Variants in ITGA11 observed in about 807,000 individuals in gnomAD.
The protein encoded by ITGA11 is integrin subunit alpha 11, also known as integrin alpha-11.
Under a neutral mutation model 141.9 loss-of-function variants are expected in ITGA11, and 97 were observed. The observed-to-expected ratio is 0.68, with a 90% CI of 0.58 to 0.81. The LOEUF is 0.81. Ranked by LOEUF, ITGA11 falls within the 30% of genes least tolerant of loss-of-function variation. ITGA11 has a pLI of 0.00. For missense variants in ITGA11, 1,387 were observed against 1,559.2 expected (o/e 0.89, Z 1.86); for synonymous variants, 658 against 624.6 (o/e 1.05, Z -0.80).
At chr15:68,312,979 T>TC in intron 23 of ITGA11, 116 bp from the exon 24 acceptor site, 1 of 691,460 alleles carries the variant, frequency 1.4e-6, no homozygotes, top group Non-Finnish European at 2.5e-6. Context: ...AAAAACAGGT[T>TC]CCCGCTTGTG....
chr15:68,323,273 C>T (rs779210784), intron 18 of ITGA11, among the ~76,000 whole-genome samples: 12 of 152,138 alleles, frequency 7.9e-5, no homozygotes, highest in African/African-American at 1.2e-4. Context: ...AGGGGCTTTA[C>T]GGCATTCTAG....
At chr15:68,428,689 C>G (rs1238212408) in intron 1 of ITGA11, among the ~76,000 whole-genome samples, 1 of 152,148 alleles carries the variant, frequency 6.6e-6, no homozygotes, top group African/African-American at 2.4e-5. Context: ...ACCTCTGGAG[C>G]CTTTGTACAC....
chr15:68,383,163 C>T (rs756356306), intron 2 of ITGA11, among the ~76,000 whole-genome samples: 7 of 151,752 alleles, frequency 4.6e-5, no homozygotes, highest in Admixed American at 6.6e-5. Flanking sequence ...CCCAGCTAGT[C>T]GGGAGGCTGA....
intron 12 of ITGA11, among the ~76,000 whole-genome samples, chr15:68,334,754 G>A (rs1182657582): frequency 2.0e-5 from 3 of 152,126 alleles, no homozygotes; most frequent in Non-Finnish European, 2.9e-5. Flanking sequence ...TTTCTCCTTC[G>A]GATGTTGGAG....
At chr15:68,323,551 A>G (rs1285097995) in intron 18 of ITGA11, among the ~76,000 whole-genome samples, 1 of 152,234 alleles carries the variant, frequency 6.6e-6, no homozygotes, top group African/African-American at 2.4e-5. Context: ...AATGATGGGA[A>G]GAATGTGTCT....
intron 20 of ITGA11, among the ~76,000 whole-genome samples, chr15:68,318,624 AG>A (rs1893679629): frequency 6.6e-6 from 1 of 152,030 alleles, no homozygotes; most frequent in Non-Finnish European, 1.5e-5. Flanking sequence ...CTGAGGAGGA[AG>A]GGGGTACCCG....
At chr15:68,340,119 C>G (rs902402832) in intron 10 of ITGA11, among the ~76,000 whole-genome samples, 22 of 151,888 alleles carry the variant, frequency 1.4e-4, no homozygotes, top group Non-Finnish European at 2.8e-4. Context: ...CAAACATTCA[C>G]TGAGGTCTCC....
intron 2 of ITGA11, among the ~76,000 whole-genome samples, chr15:68,397,590 TTATAAA>T (rs1896342479): frequency 4.9e-5 from 2 of 40,516 alleles, no homozygotes; most frequent in South Asian, 2.7e-3. Context: ...ATTTAAAATA[TTATAAA>T]ATATTTAAAA....
intron 20 of ITGA11, 84 bp from the exon 21 acceptor site, chr15:68,317,447 C>G: frequency 1.1e-6 from 1 of 938,304 alleles, no homozygotes; most frequent in East Asian, 2.4e-5. Context: ...CCAGCCTGCA[C>G]CCCACTCTGC....
chr15:68,363,735 G>A (rs1358778367), intron 4 of ITGA11, among the ~76,000 whole-genome samples: 1 of 152,124 alleles, frequency 6.6e-6, no homozygotes, highest in Non-Finnish European at 1.5e-5. Context: ...GTCTCAGAAG[G>A]ATCCTGTTTG....
intron 10 of ITGA11, among the ~76,000 whole-genome samples, chr15:68,346,208 G>A (rs115061855): frequency 1.3e-5 from 2 of 152,296 alleles, no homozygotes; most frequent in African/African-American, 4.8e-5. Context: ...GGCTGCACAT[G>A]GCAGTCATGA....
Position 68,317,378 on chromosome 15 carries a change from C to T in ITGA11, c.2617-15G>A. 1 of 1,577,730 alleles carries T rather than the reference C, an allele frequency of 6.3e-7. No individual in the cohort carries two copies. Among genetic ancestry groups the T allele is most frequent in the Non-Finnish European group, 8.7e-7 (1 of 1,146,970 alleles). The stretch of plus-strand genomic sequence containing the variant: ...TCTGAGTCCTCCTGGAGGTGGGTGG[C>T]AGACATCATGGCAGCAGTTAGGTGG... On this transcript the variant is annotated splice_polypyrimidine_tract_variant and intron_variant, in intron 20 of 29. Coordinates refer to ENST00000315757, the MANE Select transcript of ITGA11 (RefSeq NM_001004439.2).
intron 10 of ITGA11, among the ~76,000 whole-genome samples, chr15:68,341,101 C>T (rs967709196): frequency 6.6e-6 from 1 of 152,208 alleles, no homozygotes; most frequent in Non-Finnish European, 1.5e-5. Context: ...CAAATCCTAA[C>T]CCTCCAGAGG....
intron 2 of ITGA11, among the ~76,000 whole-genome samples, chr15:68,393,520 G>C (rs1896165628): frequency 6.6e-6 from 1 of 152,084 alleles, no homozygotes; most frequent in Admixed American, 6.6e-5. Flanking sequence ...ACTGATGGTT[G>C]ACATCTCAAC....
At chr15:68,418,692 T>C (rs1285152751) in intron 1 of ITGA11, among the ~76,000 whole-genome samples, 1 of 151,766 alleles carries the variant, frequency 6.6e-6, no homozygotes, top group Non-Finnish European at 1.5e-5. Flanking sequence ...CTGCCCACAC[T>C]GATTCTGGCT....
intron 1 of ITGA11, among the ~76,000 whole-genome samples, chr15:68,415,464 A>C (rs1185068229): frequency 1.3e-5 from 2 of 152,224 alleles, no homozygotes; most frequent in African/African-American, 4.8e-5. Flanking sequence ...TCTGTGGAAA[A>C]GCATCATCTG....
At position 68,365,181 on chromosome 15, in the gene ITGA11, G is replaced by C. The variant is rs376192085; in HGVS notation, c.266-383C>G. 2.3e-5 allele frequency: 23 copies of C among 985,362 alleles called. No homozygotes were observed. In the East Asian group the frequency reaches 1.8e-3, roughly 78 times the overall value. 61.0% of individuals were successfully genotyped at this position (985,362 alleles called of 1,614,324 possible). A position where few individuals can be genotyped will look rare whatever the true frequency, so the allele number is the denominator to read the frequency against. ...TTCCTTTGTGCAGTATCCCCGCTAC[G>C]CTTTCTTCCAAGTTGACCCCCATCC... is the stretch of plus-strand genomic sequence containing the variant. On this transcript the variant is annotated intron_variant, in intron 3 of 29. Transcript: ENST00000315757.
rs1012311668 is a variant in ITGA11 at position 68,326,399 on chromosome 15, C to T, written c.2211+255G>A. 6.6e-6 allele frequency among the ~76,000 whole-genome samples: 1 copy of T among 152,132 alleles called. No homozygotes were observed. Among genetic ancestry groups the T allele is most frequent in the Non-Finnish European group, 1.5e-5 (1 of 68,034 alleles). ...TTCTCTCTGCTGGACCTACTGAGCC[C>T]ACCTTCCTCCCTTCGGCATCTGAGA... On this transcript the variant is annotated intron_variant, in intron 17 of 29. Coordinates refer to ENST00000315757, the MANE Select transcript of ITGA11 (RefSeq NM_001004439.2). The surrounding 1 kb of genome is among the most constrained non-coding windows in gnomAD (Gnocchi z 6.8).
At chr15:68,348,532 A>C (rs952831899) in intron 10 of ITGA11, among the ~76,000 whole-genome samples, 5 of 152,354 alleles carry the variant, frequency 3.3e-5, no homozygotes, top group African/African-American at 1.2e-4. Context: ...TAAAGAGCAA[A>C]TGAACTGTGG....
Sources: allele counts gnomAD v4.1 joint callset (sites outside exome capture counted in the v4.1 genomes callset), GRCh38; gene constraint gnomAD v4.1.1; non-coding constraint Gnocchi (gnomAD v3.1); transcripts MANE v1.5; gene names NCBI Gene and HGNC (gene_info 2026-07-23, HGNC 2026-07-21).